VPS53: variants seen among roughly 807,000 people sequenced by gnomAD.
The protein encoded by VPS53 is vacuolar protein sorting-associated protein 53 homolog.
VPS53 carries 70 observed loss-of-function variants against 107.0 expected under a neutral mutation model. That is an observed-to-expected ratio of 0.65 (90% confidence interval 0.54 to 0.80). The LOEUF is 0.80. Among genes scored for constraint, VPS53 ranks in the 30% least tolerant of loss-of-function variants. VPS53 has a pLI of 0.00. For missense variants in VPS53, 917 were observed against 1,049.4 expected, an observed-to-expected ratio of 0.87 and a Z score of 1.74; for synonymous variants, 409 against 393.3, an observed-to-expected ratio of 1.04 and a Z score of -0.47.
chr17:557,577 T>C (rs1395183686), intron 15 of VPS53, among the ~76,000 whole-genome samples: 4 of 152,204 alleles, frequency 2.6e-5, no homozygotes, highest in Admixed American at 2.6e-4. Context: ...CTTGTAGATT[T>C]CCTGCCCTTG....
chr17:550,793 A>G (rs1911748060), intron 17 of VPS53, among the ~76,000 whole-genome samples: 1 of 151,506 alleles, frequency 6.6e-6, no homozygotes, highest in African/African-American at 2.4e-5. Context: ...CAAAAATAGG[A>G]AGATGAGGTA....
At chr17:552,514 CT>C (rs1242713145) in intron 16 of VPS53, 3 of 153,026 alleles carry the variant, frequency 2.0e-5, no homozygotes, top group Non-Finnish European at 4.4e-5. Context: ...GGAAAGAAGA[CT>C]TTACTGTTAG....
At chr17:656,107 C>A (rs1444154593) in intron 5 of VPS53, among the ~76,000 whole-genome samples, 154 bp from the exon 6 acceptor site, 1 of 152,138 alleles carries the variant, frequency 6.6e-6, no homozygotes, top group Admixed American at 6.5e-5. Context: ...AAATAATTTC[C>A]AACCAGGCAT....
At chr17:584,861 C>G (rs2142999941) in intron 13 of VPS53, among the ~76,000 whole-genome samples, 1 of 152,182 alleles carries the variant, frequency 6.6e-6, no homozygotes, top group East Asian at 1.9e-4. Context: ...ATAGATGATC[C>G]ATAAAATAAA....
intron 13 of VPS53, among the ~76,000 whole-genome samples, chr17:585,589 T>C (rs1260796581): frequency 1.3e-5 from 2 of 151,964 alleles, no homozygotes; most frequent in East Asian, 3.9e-4. Context: ...ATGCAGTAAG[T>C]CATAATCTCA....
intron 2 of VPS53, among the ~76,000 whole-genome samples, chr17:699,965 C>T (rs1171751915): frequency 6.6e-6 from 1 of 152,014 alleles, no homozygotes; most frequent in African/African-American, 2.4e-5. Context: ...CAAGGAAAGG[C>T]CTTCTGAAGA....
chr17:619,112 G>C (rs562856592), intron 11 of VPS53, among the ~76,000 whole-genome samples: 44 of 146,520 alleles, frequency 3.0e-4, no homozygotes, highest in African/African-American at 1.0e-3. Context: ...TTCCCGGGTA[G>C]CTGGGACTAC....
chr17:542,175 C>A (rs1358026880), intron 17 of VPS53, among the ~76,000 whole-genome samples: 3 of 152,238 alleles, frequency 2.0e-5, no homozygotes, highest in Admixed American at 6.5e-5. Flanking sequence ...TTTCACATGA[C>A]CTTGCTGCCT....
At position 631,420 on chromosome 17, in the gene VPS53, AC is replaced by A. The variant is rs537943034; in HGVS notation, c.687+129del. The A allele has an allele frequency of 8.7e-5, 83 of 949,580 alleles. 1 individual carries two copies. In the South Asian group the frequency reaches 1.1e-3, roughly 13 times the overall value. The allele number at this position is 949,580 out of a possible 1,614,324, so 58.8% of individuals were successfully genotyped here. A position where few individuals can be genotyped will look rare whatever the true frequency, so the allele number is the denominator to read the frequency against. On this transcript the variant is annotated intron_variant, in intron 8 of 21. Coordinates refer to ENST00000437048, the MANE Select transcript of VPS53 (RefSeq NM_001128159.3). Reference sequence around the variant, plus strand: ...ATCCAGGGTGGTCTCATTACCCTGAACCTGCAGCAGAAGGATTTGCAGCTGC... The same window carrying A: ...ATCCAGGGTGGTCTCATTACCCTGAACTGCAGCAGAAGGATTTGCAGCTGC...
chr17:577,897 T>C (rs1394175619), intron 13 of VPS53, among the ~76,000 whole-genome samples: 1 of 151,344 alleles, frequency 6.6e-6, no homozygotes, highest in African/African-American at 2.4e-5. Context: ...CCAGAGAACA[T>C]CCCTCAGAAC....
chr17:583,834 C>A (rs542216044), intron 13 of VPS53, among the ~76,000 whole-genome samples: 1 of 151,266 alleles, frequency 6.6e-6, no homozygotes, highest in East Asian at 2.0e-4. Context: ...CCTTCAGAAC[C>A]TCAATGCGTT....
chr17:555,135 A>C (rs1190771480), intron 15 of VPS53, among the ~76,000 whole-genome samples: 1 of 152,226 alleles, frequency 6.6e-6, no homozygotes, highest in Non-Finnish European at 1.5e-5. Context: ...CCGAAAATAA[A>C]ATCCAAATTC....
chr17:575,239 A>G (rs1045982725), intron 13 of VPS53, among the ~76,000 whole-genome samples: 1 of 152,268 alleles, frequency 6.6e-6, no homozygotes, highest in Non-Finnish European at 1.5e-5. Flanking sequence ...AGCAGTCCAT[A>G]AAATCACGTG....
chr17:683,191 T>C (rs765103328), intron 4 of VPS53, among the ~76,000 whole-genome samples: 2 of 152,096 alleles, frequency 1.3e-5, no homozygotes, highest in African/African-American at 2.4e-5. Context: ...GTAAGTAGAA[T>C]TCTAGGAGGA....
intron 4 of VPS53, chr17:674,771 T>C (rs995899105): frequency 6.6e-6 from 1 of 152,240 alleles, no homozygotes; most frequent in Non-Finnish European, 1.5e-5. Flanking sequence ...TTAAAGATAA[T>C]TTAGTATGGA....
chr17:714,586 C>T, intron 1 of VPS53, 37 bp downstream of exon 1: 1 of 1,577,348 alleles, frequency 6.3e-7, no homozygotes, highest in South Asian at 1.1e-5. Flanking sequence ...TCCCCTCCCG[C>T]ACTCCCGTTT....
At chr17:607,887 G>A (rs1348164845) in intron 11 of VPS53, among the ~76,000 whole-genome samples, 7 of 152,088 alleles carry the variant, frequency 4.6e-5, no homozygotes, top group Admixed American at 3.9e-4. Flanking sequence ...GGGAAAGTCT[G>A]GCTTCAGTCA....
intron 13 of VPS53, among the ~76,000 whole-genome samples, chr17:584,651 G>C (rs1967220276): frequency 6.6e-6 from 1 of 152,108 alleles, no homozygotes; most frequent in East Asian, 1.9e-4. Flanking sequence ...CTCTCGAGTA[G>C]CTGGGACTAC....
In VPS53 at chr17:599,794, C is replaced by T. The variant is rs1488343907; in HGVS notation, c.1218+2001G>A. On this transcript the variant is annotated intron_variant, in intron 12 of 21. Coordinates refer to ENST00000437048, the MANE Select transcript of VPS53 (RefSeq NM_001128159.3). ...AAAAAAACAAAAACAAAATGACTTG[C>T]GATAAAACTGCTCTGATCGCAGGGA... Among the ~76,000 whole-genome samples the T allele has an allele frequency of 4.6e-5, 7 of 150,776 alleles. No homozygotes were observed. In the South Asian group the frequency reaches 6.3e-4, roughly 14 times the overall value.
Sources: allele counts gnomAD v4.1 joint callset (sites outside exome capture counted in the v4.1 genomes callset), GRCh38; gene constraint gnomAD v4.1.1; transcripts MANE v1.5; gene names NCBI Gene and HGNC (gene_info 2026-07-23, HGNC 2026-07-21).